The following EEFSEC variants were observed in gnomAD, a reference collection of about 807,000 sequenced individuals.
EEFSEC encodes the protein eukaryotic elongation factor, selenocysteine-tRNA specific, also known as selenocysteine-specific elongation factor.
EEFSEC carries 43 observed loss-of-function variants against 42.1 expected under a neutral mutation model. The ratio of observed to expected loss-of-function variants is 1.02; its 90% confidence interval spans 0.80 to 1.32. The LOEUF (loss-of-function observed/expected upper bound fraction) is 1.32, where lower values mean the gene tolerates loss of function less well. Ranked by LOEUF, EEFSEC falls within the 40% of genes most tolerant of loss-of-function variation. EEFSEC has a pLI of 0.00. For missense variants in EEFSEC, 745 were observed against 803.6 expected, an observed-to-expected ratio of 0.93 and a Z score of 0.88; for synonymous variants, 354 against 339.1, an observed-to-expected ratio of 1.04 and a Z score of -0.48.
chr3:128,340,982 C>T (rs1415158714), intron 4 of EEFSEC, among the ~76,000 whole-genome samples: 1 of 152,168 alleles, frequency 6.6e-6, no homozygotes, highest in East Asian at 1.9e-4. Flanking sequence ...TGCCTTTCCC[C>T]CAGAAGAACA....
chr3:128,295,590 G>C (rs984345619), intron 4 of EEFSEC, among the ~76,000 whole-genome samples: 37 of 147,794 alleles, frequency 2.5e-4, no homozygotes, highest in Non-Finnish European at 4.9e-4. Flanking sequence ...AACAATTGAG[G>C]CTCCTTTTTT....
At chr3:128,177,552 G>A (rs959314258) in intron 1 of EEFSEC, among the ~76,000 whole-genome samples, 1 of 152,100 alleles carries the variant, frequency 6.6e-6, no homozygotes, top group South Asian at 2.1e-4. Flanking sequence ...CTGACTTTTC[G>A]TTTCCCCAGA....
chr3:128,190,320 G>A (rs561688895), intron 1 of EEFSEC, among the ~76,000 whole-genome samples: 41 of 152,224 alleles, frequency 2.7e-4, no homozygotes, highest in Non-Finnish European at 4.7e-4. Context: ...TGTATGAGGT[G>A]GAAGACAGTG....
chr3:128,276,428 C>T (rs1300683056), intron 4 of EEFSEC, among the ~76,000 whole-genome samples: 2 of 152,204 alleles, frequency 1.3e-5, no homozygotes, highest in African/African-American at 4.8e-5. Context: ...AAACCTGGCT[C>T]ACGTCCTGCC....
rs186766543 is a variant in EEFSEC at position 128,301,702 on chromosome 3, G to A, written c.786+36921G>A. On this transcript the variant is annotated intron_variant, in intron 4 of 6. Transcript: ENST00000254730. ...TTTGTTTCTCTCCTGGAGCTGTGGAGTTACTCTTGACAGACTGGAGGGGAG... is the reference window on the plus strand; with the variant it reads ...TTTGTTTCTCTCCTGGAGCTGTGGAATTACTCTTGACAGACTGGAGGGGAG... Among the ~76,000 whole-genome samples, 58 of 152,288 alleles carry A rather than the reference G, an allele frequency of 3.8e-4. 1 individual carries two copies. Among genetic ancestry groups the A allele is most frequent in the African/African-American group, 1.3e-3 (54 of 41,548 alleles).
downstream of EEFSEC, among the ~76,000 whole-genome samples, chr3:128,411,612 A>G (rs1174722487): frequency 6.6e-6 from 1 of 152,092 alleles, no homozygotes; most frequent in East Asian, 1.9e-4. Flanking sequence ...GAGTGAGGTC[A>G]TGGACCGACA....
chr3:128,264,007 G>C (rs912873517), intron 3 of EEFSEC, among the ~76,000 whole-genome samples: 1 of 152,210 alleles, frequency 6.6e-6, no homozygotes, highest in Non-Finnish European at 1.5e-5. Flanking sequence ...AGATAATAAA[G>C]AGATGATCAC....
At chr3:128,346,467 T>A (rs1248164679) in intron 5 of EEFSEC, among the ~76,000 whole-genome samples, 1 of 152,202 alleles carries the variant, frequency 6.6e-6, no homozygotes, top group Admixed American at 6.5e-5. Flanking sequence ...GAGATGGGAA[T>A]ATCGTGATGT....
chr3:128,210,924 A>G (rs2065749225), intron 1 of EEFSEC, among the ~76,000 whole-genome samples: 1 of 152,184 alleles, frequency 6.6e-6, no homozygotes, highest in Non-Finnish European at 1.5e-5. Flanking sequence ...AGAAATGAAA[A>G]TGTCCTGCCA....
intron 4 of EEFSEC, among the ~76,000 whole-genome samples, chr3:128,293,896 A>T (rs1216509924): frequency 6.6e-6 from 1 of 152,218 alleles, no homozygotes; most frequent in Non-Finnish European, 1.5e-5. Flanking sequence ...TGCCTTTCAC[A>T]GTTCTTGGCT....
At chr3:128,227,935 T>G (rs757981163) in intron 1 of EEFSEC, among the ~76,000 whole-genome samples, 2 of 152,232 alleles carry the variant, frequency 1.3e-5, no homozygotes, top group African/African-American at 4.8e-5. Flanking sequence ...GATTTTCTCT[T>G]GGCACAGCCG....
intron 6 of EEFSEC, among the ~76,000 whole-genome samples, chr3:128,378,801 C>T (rs944644778): frequency 6.6e-6 from 1 of 152,224 alleles, no homozygotes; most frequent in Non-Finnish European, 1.5e-5. Flanking sequence ...GCTCATCCCA[C>T]TCCCGTCCCA....
At chr3:128,300,009 G>A (rs886649501) in intron 4 of EEFSEC, among the ~76,000 whole-genome samples, 4 of 152,088 alleles carry the variant, frequency 2.6e-5, no homozygotes, top group African/African-American at 9.7e-5. Flanking sequence ...TTGGGGTCTG[G>A]GCCTGGGCAG....
intron 1 of EEFSEC, among the ~76,000 whole-genome samples, chr3:128,227,940 C>T (rs1299532628): frequency 6.6e-6 from 1 of 152,206 alleles, no homozygotes; most frequent in African/African-American, 2.4e-5. Flanking sequence ...TCTCTTGGCA[C>T]AGCCGCTTCA....
intron 4 of EEFSEC, among the ~76,000 whole-genome samples, chr3:128,314,592 C>T (rs1387889931): frequency 3.9e-5 from 6 of 152,216 alleles, no homozygotes; most frequent in African/African-American, 1.4e-4. Flanking sequence ...GATCCTTCCA[C>T]CTGTGCCTCC....
At chr3:128,188,085 G>A (rs2065482777) in intron 1 of EEFSEC, among the ~76,000 whole-genome samples, 1 of 152,112 alleles carries the variant, frequency 6.6e-6, no homozygotes, top group Non-Finnish European at 1.5e-5. Flanking sequence ...AGTTTACCCT[G>A]GCATTGATGG....
chr3:128,197,334 G>A (rs1399763898), intron 1 of EEFSEC, among the ~76,000 whole-genome samples: 2 of 152,104 alleles, frequency 1.3e-5, no homozygotes, highest in South Asian at 2.1e-4. Context: ...GCAGTGGTGC[G>A]ATCTCGGCTC....
intron 1 of EEFSEC, among the ~76,000 whole-genome samples, chr3:128,174,757 G>A (rs2065331435): frequency 6.6e-6 from 1 of 152,192 alleles, no homozygotes; most frequent in Non-Finnish European, 1.5e-5. Flanking sequence ...CATTCTGGGT[G>A]CAAGGTAGAC....
chr3:128,391,752 GC>G (rs1209711261), intron 6 of EEFSEC, among the ~76,000 whole-genome samples: 1 of 152,256 alleles, frequency 6.6e-6, no homozygotes, highest in African/African-American at 2.4e-5. Context: ...GACTCCACCA[GC>G]ATAGCGGCCC....
Sources: gnomAD v4.1 joint callset for allele counts (sites outside exome capture counted in the v4.1 genomes callset) on GRCh38, gnomAD v4.1.1 for gene constraint, MANE v1.5 for transcripts, NCBI Gene and HGNC (gene_info 2026-07-23, HGNC 2026-07-21) for gene names.